DRC9: variants seen among roughly 807,000 people sequenced by gnomAD.
DRC9 encodes dynein regulatory complex subunit 9, also known as dynein regulatory complex protein 9.
the DRC9 span, chr3:197,956,195 C>G: frequency 4.9e-6 from 1 of 202,060 alleles, no homozygotes; most frequent in East Asian, 1.0e-4. Context: ...TCAAGCAATC[C>G]TCCTTCCTTG....
chr3:197,920,410 A>G, the DRC9 span, among the ~76,000 whole-genome samples: 2 of 145,670 alleles, frequency 1.4e-5, no homozygotes, highest in Admixed American at 1.4e-4. Context: ...ACAAAGAGAG[A>G]ACCCCCCCAT....
the DRC9 span, among the ~76,000 whole-genome samples, chr3:197,951,994 G>T: frequency 6.6e-6 from 1 of 152,260 alleles, no homozygotes; most frequent in East Asian, 1.9e-4. Context: ...TCTGAGGGTG[G>T]TGTTGGATTT....
chr3:197,955,968 G>T, the DRC9 span: 1 of 587,664 alleles, frequency 1.7e-6, no homozygotes, highest in Non-Finnish European at 3.1e-6. Flanking sequence ...GAAGGGAACG[G>T]GTTTTAATGC....
At chr3:197,944,458 A>AT in the DRC9 span, among the ~76,000 whole-genome samples, 198 of 143,832 alleles carry the variant, frequency 1.4e-3, 1 homozygote, top group African/African-American at 4.7e-3. Flanking sequence ...ATTTTATTTT[A>AT]TTTTTTTTGA....
chr3:197,917,806 C>T, the DRC9 span, among the ~76,000 whole-genome samples: 32 of 151,974 alleles, frequency 2.1e-4, no homozygotes, highest in African/African-American at 7.5e-4. Flanking sequence ...TCTTGGCTCA[C>T]TGCAACCTCT....
At chr3:197,935,169 A>C in the DRC9 span, among the ~76,000 whole-genome samples, 15 of 152,080 alleles carry the variant, frequency 9.9e-5, no homozygotes, top group Non-Finnish European at 2.2e-4. Flanking sequence ...GGCCGGGCGC[A>C]GTGGCTCATG....
chr3:197,950,733 T>C, the DRC9 span: 4 of 596,804 alleles, frequency 6.7e-6, no homozygotes, highest in Admixed American at 1.2e-4. Flanking sequence ...ATTCTGAAGT[T>C]TGCTTAGATA....
At chr3:197,892,679 G>T in the DRC9 span, 4 of 1,613,988 alleles carry the variant, frequency 2.5e-6, no homozygotes, top group African/African-American at 5.3e-5. Flanking sequence ...TTGTGGCTTT[G>T]AGAGCATTTA....
the DRC9 span, among the ~76,000 whole-genome samples, chr3:197,935,167 G>A: frequency 1.5e-4 from 23 of 152,164 alleles, no homozygotes; most frequent in African/African-American, 4.8e-4. Flanking sequence ...GTGGCCGGGC[G>A]CAGTGGCTCA....
At chr3:197,896,119 G>T in the DRC9 span, among the ~76,000 whole-genome samples, 1 of 151,024 alleles carries the variant, frequency 6.6e-6, no homozygotes, top group Non-Finnish European at 1.5e-5. Flanking sequence ...AAGGCGGGCA[G>T]ATCACCTGAG....
At chr3:197,943,329 T>C in the DRC9 span, among the ~76,000 whole-genome samples, 1 of 152,202 alleles carries the variant, frequency 6.6e-6, no homozygotes, top group Non-Finnish European at 1.5e-5. Context: ...TAATATACCT[T>C]GAGTTATGGC....
chr3:197,904,124 A>T, the DRC9 span, among the ~76,000 whole-genome samples: 1 of 143,550 alleles, frequency 7.0e-6, no homozygotes, highest in Non-Finnish European at 1.5e-5. Flanking sequence ...TTTTTTTTAA[A>T]GGGCCAAAGA....
the DRC9 span, among the ~76,000 whole-genome samples, chr3:197,955,193 G>C: frequency 6.6e-6 from 1 of 152,010 alleles, no homozygotes; most frequent in African/African-American, 2.4e-5. Flanking sequence ...GTTCATTAGG[G>C]TTTATCAACA....
chr3:197,911,860 G>A, the DRC9 span, among the ~76,000 whole-genome samples: 9 of 151,800 alleles, frequency 5.9e-5, no homozygotes, highest in African/African-American at 2.2e-4. Context: ...GGCTGGTCTC[G>A]AACTCCTGAC....
At chr3:197,931,178 TC>T in the DRC9 span, among the ~76,000 whole-genome samples, 1 of 151,538 alleles carries the variant, frequency 6.6e-6, no homozygotes, top group Non-Finnish European at 1.5e-5. Flanking sequence ...CATTACAGGA[TC>T]AACATCCAAA....
chr3:197,912,184 G>A, the DRC9 span, among the ~76,000 whole-genome samples: 1 of 151,850 alleles, frequency 6.6e-6, no homozygotes, highest in Non-Finnish European at 1.5e-5. Flanking sequence ...GGGATTACAG[G>A]CGCACCACCA....
chr3:197,954,485 C>A, the DRC9 span: 5 of 364,574 alleles, frequency 1.4e-5, no homozygotes, highest in African/African-American at 1.1e-4. Context: ...AGGCGTGTGC[C>A]ACCACACCCA....
At chr3:197,901,325 A>T in the DRC9 span, among the ~76,000 whole-genome samples, 1 of 152,146 alleles carries the variant, frequency 6.6e-6, no homozygotes, top group East Asian at 1.9e-4. The surrounding 1 kb of genome is among the most constrained non-coding windows in gnomAD (Gnocchi z 4.4). Flanking sequence ...TTTAGTAGAG[A>T]CCAGGTTTCA....
At chr3:197,957,162 T>C in the DRC9 span, 1 of 152,198 alleles carries the variant, frequency 6.6e-6, no homozygotes, top group Non-Finnish European at 1.5e-5. Flanking sequence ...AGAAGGAAAG[T>C]TTTTGTAGTA....
Sources: gnomAD v4.1 joint callset for allele counts (sites outside exome capture counted in the v4.1 genomes callset) on GRCh38, gnomAD v4.1.1 for gene constraint, Gnocchi (gnomAD v3.1) non-coding constraint, MANE v1.5 for transcripts, NCBI Gene and HGNC (gene_info 2026-07-23, HGNC 2026-07-21) for gene names.